RAD54L2: variants seen among roughly 807,000 people sequenced by gnomAD.
The protein encoded by RAD54L2 is helicase ARIP4.
In RAD54L2, 27 loss-of-function variants were observed where a neutral mutation model predicts 138.4. The observed-to-expected ratio is 0.20, with a 90% CI of 0.14 to 0.27. The LOEUF is 0.27. Ranked by LOEUF, RAD54L2 falls within the 10% of genes least tolerant of loss-of-function variation. The probability of loss-of-function intolerance (pLI) is 1.00; values close to 1 mark genes in which losing one functional copy is unlikely to be tolerated. For missense variants in RAD54L2, 1,396 were observed against 1,890.2 expected (o/e 0.74, Z 4.85); for synonymous variants, 644 against 723.2 (o/e 0.89, Z 1.76).
intron 2 of RAD54L2, among the ~76,000 whole-genome samples, chr3:51,564,706 C>T (rs1333103284): frequency 2.0e-5 from 3 of 152,136 alleles, no homozygotes; most frequent in Admixed American, 6.5e-5. Flanking sequence ...GGCTTGAGCC[C>T]AGGAGTTCAA....
chr3:51,560,152 C>A (rs1280555063), intron 2 of RAD54L2, among the ~76,000 whole-genome samples: 1 of 150,610 alleles, frequency 6.6e-6, no homozygotes, highest in Non-Finnish European at 1.5e-5. Context: ...GCCTCTTCAG[C>A]AGTGTTGATA....
chr3:51,583,111 A>G (rs1053935886), intron 2 of RAD54L2, among the ~76,000 whole-genome samples: 1 of 152,170 alleles, frequency 6.6e-6, no homozygotes, highest in Non-Finnish European at 1.5e-5. Context: ...CATGTTAGCA[A>G]ATAACCTTTT....
chr3:51,588,000 C>G (rs1241212099), intron 2 of RAD54L2, among the ~76,000 whole-genome samples: 1 of 150,416 alleles, frequency 6.6e-6, no homozygotes, highest in African/African-American at 2.4e-5. Context: ...TCCTGGCTAA[C>G]ACGGTGAGAC....
At chr3:51,630,240 G>T in intron 5 of RAD54L2, 32 bp from the exon 6 acceptor site, 2 of 1,570,846 alleles carry the variant, frequency 1.3e-6, no homozygotes, top group South Asian at 1.1e-5. Context: ...ATGTGGTCTT[G>T]ACACCGTTCC....
At chr3:51,651,315 G>T (rs1202164410) in intron 19 of RAD54L2, among the ~76,000 whole-genome samples, 1 of 152,090 alleles carries the variant, frequency 6.6e-6, no homozygotes, top group Non-Finnish European at 1.5e-5. Flanking sequence ...ACCAAAAAAA[G>T]TCCAGGACCA....
chr3:51,576,048 T>C (rs1197048000), intron 2 of RAD54L2, among the ~76,000 whole-genome samples: 5 of 152,214 alleles, frequency 3.3e-5, no homozygotes, highest in Non-Finnish European at 5.9e-5. Context: ...TTGAGAGTTT[T>C]TAGCATGAAG....
Position 51,662,692 on chromosome 3 carries a change from C to T in RAD54L2, c.3676C>T (p.Leu1226=). The T allele has an allele frequency of 6.2e-7, 1 of 1,613,910 alleles. No individual in the cohort carries two copies. The highest frequency in any genetic ancestry group is 1.1e-5 in the South Asian group (1 of 91,044). The change falls in exon 23 of 23, where the codon CTA becomes TTA. Residue 1226 remains leucine (L), a synonymous_variant. Coordinates refer to ENST00000684192, the MANE Select transcript of RAD54L2 (RefSeq NM_015106.4). This position sits in a 1 kb window ranked among gnomAD's most constrained non-coding sequence, Gnocchi z 4.6. ...GACAGCTCTCGGAACTGAGCCTCGA[C>T]TAGGGGGTCATTGCCTCAATAGTTC... ...PGTALGTEPR[L]GGHCLNSSLL...
chr3:51,565,874 G>C (rs1333145955), intron 2 of RAD54L2, among the ~76,000 whole-genome samples: 1 of 141,620 alleles, frequency 7.1e-6, no homozygotes, highest in Non-Finnish European at 1.5e-5. Context: ...TGTCACCCAG[G>C]CTGGAGTGCT....
intron 3 of RAD54L2, among the ~76,000 whole-genome samples, chr3:51,623,156 C>T (rs73080610): frequency 0.029 from 4,466 of 152,278 alleles, 92 homozygotes; most frequent in Non-Finnish European, 0.043. Context: ...AGTAGTCTCA[C>T]GTGGAGAGGT....
At chr3:51,549,395 G>T (rs1698778329) in intron 2 of RAD54L2, among the ~76,000 whole-genome samples, 1 of 152,166 alleles carries the variant, frequency 6.6e-6, no homozygotes. Context: ...TCCAGAGCCA[G>T]GTGGACATAG....
intron 2 of RAD54L2, among the ~76,000 whole-genome samples, chr3:51,570,526 G>A (rs914733835): frequency 1.3e-5 from 2 of 148,846 alleles, no homozygotes; most frequent in Non-Finnish European, 3.0e-5. Flanking sequence ...GCGCGATCTC[G>A]GCTCACTGCA....
At chr3:51,561,233 A>G (rs1182828438) in intron 2 of RAD54L2, among the ~76,000 whole-genome samples, 1 of 152,118 alleles carries the variant, frequency 6.6e-6, no homozygotes, top group Non-Finnish European at 1.5e-5. Flanking sequence ...TCTCTGAATC[A>G]TTGTTCATGA....
chr3:51,613,982 T>G (rs2106765149), intron 3 of RAD54L2, among the ~76,000 whole-genome samples: 1 of 152,200 alleles, frequency 6.6e-6, no homozygotes, highest in South Asian at 2.1e-4. Flanking sequence ...CTGCTAAACG[T>G]CCTACAGCAT....
intron 2 of RAD54L2, among the ~76,000 whole-genome samples, chr3:51,551,273 C>T (rs1227503749): frequency 6.6e-6 from 1 of 152,054 alleles, no homozygotes; most frequent in Non-Finnish European, 1.5e-5. Context: ...GCTGGGGCCA[C>T]AGGTGCATGC....
chr3:51,625,350 G>A (rs567950550), intron 3 of RAD54L2, among the ~76,000 whole-genome samples: 41 of 152,236 alleles, frequency 2.7e-4, no homozygotes, highest in Admixed American at 1.4e-3. Context: ...CCCGGGAGGC[G>A]GAGGTTGAGG....
intron 3 of RAD54L2, among the ~76,000 whole-genome samples, chr3:51,620,076 A>G (rs1458380332): frequency 1.3e-5 from 2 of 151,704 alleles, no homozygotes; most frequent in East Asian, 3.9e-4. Context: ...ATATGGTGAG[A>G]CTTTGAGTCT....
intron 3 of RAD54L2, among the ~76,000 whole-genome samples, chr3:51,605,866 C>T (rs995400370): frequency 1.3e-5 from 2 of 152,156 alleles, no homozygotes; most frequent in Non-Finnish European, 1.5e-5. Flanking sequence ...CTGATAGGCA[C>T]TGCAGTGTGG....
At chr3:51,594,056 TTTTC>T (rs1699899927) in intron 3 of RAD54L2, among the ~76,000 whole-genome samples, 1 of 149,338 alleles carries the variant, frequency 6.7e-6, no homozygotes, top group Admixed American at 6.6e-5. Context: ...TGTCTTTCTT[TTTTC>T]TTTTTCTTTT....
At chr3:51,590,254 G>T in intron 2 of RAD54L2, 113 bp from the exon 3 acceptor site, 1 of 724,830 alleles carries the variant, frequency 1.4e-6, no homozygotes, top group Non-Finnish European at 2.1e-6. Flanking sequence ...ACCTCCCAAA[G>T]TGCTGGGATT....
Sources: allele counts gnomAD v4.1 joint callset (sites outside exome capture counted in the v4.1 genomes callset), GRCh38; gene constraint gnomAD v4.1.1; non-coding constraint Gnocchi (gnomAD v3.1); transcripts MANE v1.5; gene names NCBI Gene and HGNC (gene_info 2026-07-23, HGNC 2026-07-21).